Variants in KYAT3 observed in about 807,000 individuals in gnomAD.
The protein encoded by KYAT3 is kynurenine--oxoglutarate transaminase 3.
KYAT3 carries 50 observed loss-of-function variants against 59.0 expected under a neutral mutation model. That is an observed-to-expected ratio of 0.85 (90% CI 0.68 to 1.07). KYAT3 has a LOEUF of 1.07. Ranked by LOEUF, KYAT3 falls within the 50% of genes least tolerant of loss-of-function variation. The pLI, the probability that KYAT3 is intolerant of heterozygous loss-of-function variation, is 0.00. For synonymous variants in KYAT3, 148 were observed against 177.0 expected (o/e 0.84, Z 1.30); for missense variants, 497 against 533.3 (o/e 0.93, Z 0.67).
chr1:88,975,079 A>G lies in KYAT3; in HGVS notation c.100-5612T>C, dbSNP rs140739854. On this transcript the variant is annotated intron_variant, in intron 2 of 13. Transcript: ENST00000260508. ...GGTCCGCACCACCTTTAAGAGCTGT[A>G]ACATTAACCCGAGGGTCTGTGGCTT... Among the ~76,000 whole-genome samples the G allele has an allele frequency of 3.9e-5, 6 of 152,284 alleles. No individual in the cohort carries two copies. In the East Asian group the frequency reaches 9.6e-4, roughly 24 times the overall value.
the KYAT3 span, among the ~76,000 whole-genome samples, chr1:88,924,988 G>A: frequency 3.7e-4 from 56 of 152,314 alleles, no homozygotes; most frequent in African/African-American, 1.1e-3. Flanking sequence ...GAAGCAGCCC[G>A]CCGCCATCTT....
rs747886748 is a variant in KYAT3, at chr1:88,949,271, A to C, written c.961T>G (p.Leu321Val). ...ATGTCAATCCAGAAAGCTTGAGCCA[A>C]GGCTTCCTGTTTGTTAAGAATCAAA... is the stretch of plus-strand genomic sequence containing the variant. Reference protein sequence around the residue: ...YTCATPLQEALAQAFWIDIKR... With the variant: ...YTCATPLQEAVAQAFWIDIKR... The change falls in exon 11 of 14, where the codon TTG becomes GTG. Residue 321 changes from leucine (L) to valine (V), a missense_variant. Around this residue, in one of 2 missense-constraint regions of KYAT3, gnomAD observed 469 missense variants for 479.1 expected, o/e 0.98. Coordinates refer to ENST00000260508, the MANE Select transcript of KYAT3 (RefSeq NM_001008661.3). 6.5e-7 allele frequency: 1 copy of C among 1,542,314 alleles called. No homozygotes were observed. Among genetic ancestry groups the C allele is most frequent in the Admixed American group, 2.3e-5 (1 of 43,470 alleles).
At chr1:88,980,587 A>G (rs1677034308) in intron 2 of KYAT3, 1 of 152,634 alleles carries the variant, frequency 6.6e-6, no homozygotes, top group Admixed American at 6.5e-5. Context: ...ATAAACCCAG[A>G]AGAATCAAGA....
intron 2 of KYAT3, among the ~76,000 whole-genome samples, chr1:88,985,797 T>C (rs1166489144): frequency 6.6e-6 from 1 of 152,194 alleles, no homozygotes; most frequent in Admixed American, 6.5e-5. Context: ...TTCTCTTAGA[T>C]ACAAGTAAGG....
At chr1:88,941,291 A>G (rs1675226501) in intron 13 of KYAT3, among the ~76,000 whole-genome samples, 2 of 152,208 alleles carry the variant, frequency 1.3e-5, no homozygotes, top group African/African-American at 4.8e-5. Context: ...TGAAAGTTGA[A>G]AACAGTGTTT....
At chr1:88,959,959 T>C (rs1676076869) in intron 8 of KYAT3, among the ~76,000 whole-genome samples, 1 of 146,212 alleles carries the variant, frequency 6.8e-6, no homozygotes, top group Non-Finnish European at 1.5e-5. Context: ...TCCCATCTAC[T>C]TGGGAGGCTG....
At position 88,955,164 on chromosome 1, in the gene KYAT3, A is replaced by C; in HGVS notation, c.849T>G (p.Ser283Arg). The C allele has an allele frequency of 6.2e-7, 1 of 1,609,396 alleles. No individual in the cohort carries two copies. Among genetic ancestry groups the C allele is most frequent in the South Asian group, 1.1e-5 (1 of 90,980 alleles). ...CTCATCTTACCTTCCAGCCAGTTAC[A>C]CTGAAAGTCTTTCCAGCACTTCCTA... The part of the protein sequence containing the change: ...ITIGSAGKTF[S>R]VTGWKLGWSI... The change falls in exon 9 of 14, where the codon AGT becomes AGG. Residue 283 changes from serine (S) to arginine (R), a missense_variant. Ser to Arg is a moderately radical substitution (Grantham distance 110). Coordinates refer to ENST00000260508, the MANE Select transcript of KYAT3 (RefSeq NM_001008661.3).
chr1:88,953,896 C>T (rs1297078606), intron 9 of KYAT3, among the ~76,000 whole-genome samples: 1 of 138,192 alleles, frequency 7.2e-6, no homozygotes, highest in African/African-American at 2.7e-5. Context: ...CCTCCTTCTT[C>T]TTCTTCTTCT....
At chr1:88,924,416 T>C in the KYAT3 span, among the ~76,000 whole-genome samples, 2 of 152,248 alleles carry the variant, frequency 1.3e-5, no homozygotes, top group East Asian at 1.9e-4. Context: ...CCATTATTTA[T>C]GGGTGTGTCT....
Position 88,949,268 on chromosome 1 carries a change from C to G in KYAT3, c.964G>C (p.Ala322Pro), listed in dbSNP as rs1379323293. Residue 322 changes from alanine to proline, a missense_variant, in exon 11 of 14, where the codon GCT (alanine) becomes CCT (proline). Around this residue, in one of 2 missense-constraint regions of KYAT3, gnomAD observed 469 missense variants for 479.1 expected, o/e 0.98. Transcript: ENST00000260508. ...TTGATGTCAATCCAGAAAGCTTGAG[C>G]CAAGGCTTCCTGTTTGTTAAGAATC... is the stretch of plus-strand genomic sequence containing the variant. ...TCATPLQEAL[A>P]QAFWIDIKRM... 1.9e-6 allele frequency: 3 copies of G among 1,542,582 alleles called. No homozygotes were observed. Among genetic ancestry groups the G allele is most frequent in the Non-Finnish European group, 1.7e-6 (2 of 1,151,906 alleles).
intron 2 of KYAT3, among the ~76,000 whole-genome samples, chr1:88,977,758 A>C (rs928272022): frequency 6.6e-6 from 1 of 152,194 alleles, no homozygotes; most frequent in African/African-American, 2.4e-5. Context: ...ACCCACCCAG[A>C]GCAATCCTGC....
Position 88,953,144 on chromosome 1 carries a change from C to T in KYAT3, c.873G>A (p.Trp291Ter), listed in dbSNP as rs1222534283. 5.6e-6 allele frequency: 9 copies of T among 1,609,668 alleles called. No homozygotes were observed. The highest frequency in any genetic ancestry group is 7.7e-6 in the Non-Finnish European group (9 of 1,176,292). Reference protein sequence around the residue: ...TFSVTGWKLGWSIGPNHLIKH... With the variant: ...TFSVTGWKLG Reference sequence around the variant, plus strand: ...TTATCAAATGATTTGGACCAATGGACCAGCCAAGCTGGGAAAGGAAAAGAT... The same window carrying T: ...TTATCAAATGATTTGGACCAATGGATCAGCCAAGCTGGGAAAGGAAAAGAT... The change falls in exon 10 of 14, where the codon TGG (tryptophan) becomes TGA (stop). Residue 291 changes from tryptophan (W) to a stop codon, truncating the protein, a stop_gained. Transcript: ENST00000260508. LOFTEE classifies it high-confidence loss of function.
intron 2 of KYAT3, chr1:88,981,429 C>T (rs1677084378): frequency 6.5e-6 from 1 of 152,730 alleles, no homozygotes; most frequent in South Asian, 2.1e-4. Context: ...CGAGAACCTC[C>T]TGACTACCTC....
intron 13 of KYAT3, among the ~76,000 whole-genome samples, chr1:88,939,739 G>T (rs1313033140): frequency 6.6e-6 from 1 of 152,038 alleles, no homozygotes; most frequent in Non-Finnish European, 1.5e-5. Context: ...TGTCCTTACA[G>T]AAGTATTTAG....
At position 88,961,248 on chromosome 1, in the gene KYAT3, A is replaced by G; in HGVS notation, c.706T>C (p.Cys236Arg). ...REELQVIADL[C>R]IKYDTLCISD... ...ATGCAGAGTGTGTCATATTTGATGC[A>G]AAGGTCAGCAATTACTTGCAGTTCC... Residue 236 changes from cysteine (C) to arginine (R), a missense_variant, in exon 8 of 14, where the codon TGC becomes CGC. Transcript: ENST00000260508. The G allele has an allele frequency of 6.2e-7, 1 of 1,613,646 alleles. No individual in the cohort carries two copies. Among genetic ancestry groups the G allele is most frequent in the Non-Finnish European group, 8.5e-7 (1 of 1,179,904 alleles).
chr1:88,976,824 A>AAACT (rs1287451741), intron 2 of KYAT3, among the ~76,000 whole-genome samples: 2 of 152,272 alleles, frequency 1.3e-5, no homozygotes, highest in Non-Finnish European at 2.9e-5. Context: ...TTAACACAAA[A>AAACT]AAGTAAAAAA....
intron 9 of KYAT3, 117 bp from the exon 10 acceptor site, chr1:88,953,269 G>T: frequency 2.9e-6 from 2 of 682,552 alleles, no homozygotes; most frequent in Non-Finnish European, 5.1e-6. Flanking sequence ...TGTTGGCTGG[G>T]TATGGTGACT....
Position 88,959,394 on chromosome 1 carries a change from C to T in KYAT3, c.787+1773G>A, listed in dbSNP as rs13375093. Among the ~76,000 whole-genome samples, 1,296 of 151,720 alleles carry T rather than the reference C, an allele frequency of 8.5e-3. 16 individuals carry two copies. The highest frequency in any genetic ancestry group is 0.03 in the African/African-American group (1,251 of 41,346). On this transcript the variant is annotated intron_variant, in intron 8 of 13. Coordinates refer to ENST00000260508, the MANE Select transcript of KYAT3 (RefSeq NM_001008661.3). ...GAGTTTGAGACCAGCTTGGCCAACA[C>T]GGTGAAACCCCATCTCTACTAAAAG...
chr1:88,977,294 C>A (rs149571223), intron 2 of KYAT3, among the ~76,000 whole-genome samples: 2 of 152,188 alleles, frequency 1.3e-5, no homozygotes, highest in Non-Finnish European at 2.9e-5. Context: ...CTCCACCTCC[C>A]GGGTTCAAGT....
Sources: allele counts gnomAD v4.1 joint callset (sites outside exome capture counted in the v4.1 genomes callset), GRCh38; gene constraint gnomAD v4.1.1; regional missense constraint gnomAD v4.1.1; transcripts MANE v1.5; gene names NCBI Gene and HGNC (gene_info 2026-07-23, HGNC 2026-07-21).